SDF2L1: variants seen among roughly 807,000 people sequenced by gnomAD.
SDF2L1 encodes stromal cell-derived factor 2-like protein 1.
Under a neutral mutation model 19.4 loss-of-function variants are expected in SDF2L1, and 18 were observed. The ratio of observed to expected loss-of-function variants is 0.93; its 90% CI spans 0.64 to 1.38. The LOEUF is 1.38. Among genes scored for constraint, SDF2L1 ranks in the 40% most tolerant of loss-of-function variants. SDF2L1 has a pLI of 0.00. For synonymous variants in SDF2L1, 161 were observed against 148.9 expected, an observed-to-expected ratio of 1.08 and a Z score of -0.59; for missense variants, 263 against 319.4, an observed-to-expected ratio of 0.82 and a Z score of 1.35.
In SDF2L1 at chr22:21,643,076, C is replaced by A; in HGVS notation, c.384+18C>A. The A allele has an allele frequency of 1.3e-6, 2 of 1,550,434 alleles. No individual in the cohort carries two copies. Among genetic ancestry groups the A allele is most frequent in the East Asian group, 4.9e-5 (2 of 41,184 alleles). On this transcript the variant is annotated intron_variant, in intron 2 of 2. Transcript: ENST00000248958. ...ACAACCAGGTGAGCCCCTCCCGGAGCCCCCAGAGAGACTCCTGGCCTGTGT... is the reference window on the plus strand; with the variant it reads ...ACAACCAGGTGAGCCCCTCCCGGAGACCCCAGAGAGACTCCTGGCCTGTGT...
Position 21,643,991 on chromosome 22 carries a change from G to A in SDF2L1, c.482G>A (p.Arg161His), listed in dbSNP as rs73166641. 20,032 of 1,614,144 alleles carry A rather than the reference G, an allele frequency of 0.012. 160 individuals carry two copies. Among genetic ancestry groups the A allele is most frequent in the Middle Eastern group, 0.021 (126 of 6,062 alleles). ...GQHWEREAAV[R>H]FQHVGTSVFL... ...CACTGGGAGCGTGAGGCTGCTGTGC[G>A]CTTCCAGCATGTGGGCACCTCTGTG... Residue 161 changes from arginine to histidine, a missense_variant, in exon 3 of 3, where the codon CGC becomes CAC. Arg to His is a conservative substitution (Grantham distance 29). Around this residue, in one of 3 missense-constraint regions of SDF2L1, gnomAD observed 203 missense variants for 256.9 expected, o/e 0.79. Transcript: ENST00000248958.
chr22:21,643,123 T>A, intron 2 of SDF2L1, 65 bp downstream of exon 2: 5 of 1,513,398 alleles, frequency 3.3e-6, no homozygotes, highest in Non-Finnish European at 4.5e-6. Context: ...GACAGAGCCC[T>A]GGGTTCCAAT....
At chr22:21,642,582 G>A in intron 1 of SDF2L1, 59 bp downstream of exon 1, 1 of 1,496,428 alleles carries the variant, frequency 6.7e-7, no homozygotes, top group African/African-American at 1.4e-5. Flanking sequence ...TTGGGAGTGT[G>A]GAGACAGGGT....
At position 21,642,988 on chromosome 22, in the gene SDF2L1, G is replaced by C; in HGVS notation, c.314G>C (p.Arg105Thr). The C allele has an allele frequency of 6.4e-7, 1 of 1,567,116 alleles. No homozygotes were observed. The highest frequency in any genetic ancestry group is 1.2e-5 in the South Asian group (1 of 85,820). ...CCGGTGCGCTGCGGGCAGGCGGTGA[G>C]GCTCACGCATGTGCTTACGGGCAAG... ...GSPVRCGQAV[R>T]LTHVLTGKNL... is the part of the protein sequence containing the mutation. Residue 105 changes from arginine (R) to threonine (T), a missense_variant, in exon 2 of 3, where the codon AGG becomes ACG. This residue lies in a region of SDF2L1 where 203 missense variants were observed against 256.9 expected (regional missense o/e 0.79). Coordinates refer to ENST00000248958, the MANE Select transcript of SDF2L1 (RefSeq NM_022044.3).
rs2066101946 is a variant in SDF2L1 at position 21,643,963 on chromosome 22, C to T, written c.454C>T (p.Gln152Ter). 3 of 1,614,108 alleles carry T rather than the reference C, an allele frequency of 1.9e-6. No homozygotes were observed. Among genetic ancestry groups the T allele is most frequent in the Non-Finnish European group, 2.5e-6 (3 of 1,180,004 alleles). The change falls in exon 3 of 3, where the codon CAG becomes TAG. Residue 152 changes from glutamine (Q) to a stop codon, truncating the protein, a stop_gained. Coordinates refer to ENST00000248958, the MANE Select transcript of SDF2L1 (RefSeq NM_022044.3). LOFTEE classifies it high-confidence loss of function. ...LDLWTVRCSG[Q>*]HWEREAAVRF... ...CCTATGGACAGTGCGCTGCTCTGGACAGCACTGGGAGCGTGAGGCTGCTGT... is the reference window on the plus strand; with the variant it reads ...CCTATGGACAGTGCGCTGCTCTGGATAGCACTGGGAGCGTGAGGCTGCTGT...
At position 21,643,007 on chromosome 22, in the gene SDF2L1, G is replaced by A. The variant is rs1226818270; in HGVS notation, c.333G>A (p.Thr111=). The change falls in exon 2 of 3, where the codon ACG becomes ACA. Residue 111 remains threonine, a synonymous_variant. Transcript: ENST00000248958. Reference sequence around the variant, plus strand: ...CGGTGAGGCTCACGCATGTGCTTACGGGCAAGAACCTGCACACGCACCACT... The same window carrying A: ...CGGTGAGGCTCACGCATGTGCTTACAGGCAAGAACCTGCACACGCACCACT... ...GQAVRLTHVL[T]GKNLHTHHFP... 6.4e-7 allele frequency: 1 copy of A among 1,563,998 alleles called. No homozygotes were observed. Among genetic ancestry groups the A allele is most frequent in the African/African-American group, 1.4e-5 (1 of 73,930 alleles).
intron 1 of SDF2L1, 108 bp from the exon 2 acceptor site, chr22:21,642,754 C>T (rs1398324890): frequency 1.5e-6 from 2 of 1,354,184 alleles, no homozygotes; most frequent in Non-Finnish European, 1.0e-6. Context: ...CAGGCGGGGG[C>T]TGGGGGTGAG....
At chr22:21,643,265 G>C in intron 2 of SDF2L1, 1 of 631,420 alleles carries the variant, frequency 1.6e-6, no homozygotes, top group South Asian at 2.0e-5. Context: ...GGAGAACGAC[G>C]GGAGAGAGAT....
chr22:21,643,113 G>C, intron 2 of SDF2L1, 55 bp downstream of exon 2: 3 of 1,530,408 alleles, frequency 2.0e-6, no homozygotes, highest in Non-Finnish European at 2.6e-6. Context: ...AGGGGCCAGA[G>C]ACAGAGCCCT....
rs751957822 is a variant in SDF2L1 at position 21,643,941 on chromosome 22, A to G, written c.432A>G (p.Leu144=). ...ACGGCGAGGGCGACGACCTGGACCT[A>G]TGGACAGTGCGCTGCTCTGGACAGC... ...GEDGEGDDLD[L]WTVRCSGQHW... The change falls in exon 3 of 3, where the codon CTA becomes CTG. Residue 144 remains leucine, a synonymous_variant. Transcript: ENST00000248958. The G allele has an allele frequency of 4.3e-6, 7 of 1,614,046 alleles. No individual in the cohort carries two copies. The highest frequency in any genetic ancestry group is 5.1e-6 in the Non-Finnish European group (6 of 1,180,008).
intron 2 of SDF2L1, among the ~76,000 whole-genome samples, 198 bp from the exon 3 acceptor site, chr22:21,643,696 A>G (rs1380575585): frequency 6.6e-6 from 1 of 152,086 alleles, no homozygotes; most frequent in African/African-American, 2.4e-5. Context: ...GACAGATGCA[A>G]TGGTGTGTGC....
Position 21,642,944 on chromosome 22 carries a change from C to A in SDF2L1, c.270C>A (p.Gly90=). The A allele has an allele frequency of 6.4e-7, 1 of 1,574,488 alleles. No homozygotes were observed. The highest frequency in any genetic ancestry group is 1.4e-5 in the African/African-American group (1 of 73,928). Residue 90 remains glycine, a synonymous_variant, in exon 2 of 3, where the codon GGC becomes GGA. Coordinates refer to ENST00000248958, the MANE Select transcript of SDF2L1 (RefSeq NM_022044.3). ...GGCGGATCCGCGGCGGCTCGGAGGG[C>A]GGGTGCCCGCGCGGGTCCCCGGTGC... ...SYWRIRGGSE[G]GCPRGSPVRC...
Position 21,642,786 on chromosome 22 carries a change from T to C in SDF2L1, c.188-76T>C, listed in dbSNP as rs2066089761. On this transcript the variant is annotated intron_variant, in intron 1 of 2. Coordinates refer to ENST00000248958, the MANE Select transcript of SDF2L1 (RefSeq NM_022044.3). ...TGAGCCCTTGGGGTCCCCTGGGACA[T>C]GTTCTGGTCCCAGGGCGAGGGTCCG... 5 of 1,482,570 alleles carry C rather than the reference T, an allele frequency of 3.4e-6. No homozygotes were observed. In the African/African-American group the frequency reaches 7.0e-5, roughly 21 times the overall value. The allele number at this position is 1,482,570 out of a possible 1,614,324, so 91.8% of individuals were successfully genotyped here.
Position 21,642,877 on chromosome 22 carries a change from C to T in SDF2L1, c.203C>T (p.Ser68Leu), listed in dbSNP as rs1298734359. Reference protein sequence around the residue: ...IKYGSGSGQQSVTGVEASDDA... With the variant: ...IKYGSGSGQQLVTGVEASDDA... ...CACTCCTCAGGCAGCGGCCAGCAAT[C>T]GGTGACCGGCGTAGAGGCGTCGGAC... Residue 68 changes from serine (S) to leucine (L), a missense_variant, in exon 2 of 3, where the codon TCG becomes TTG. Physicochemically the swap from Ser to Leu is moderately radical, Grantham distance 145 (BLOSUM62 -2). Coordinates refer to ENST00000248958, the MANE Select transcript of SDF2L1 (RefSeq NM_022044.3). The T allele has an allele frequency of 6.3e-7, 1 of 1,596,684 alleles. No individual in the cohort carries two copies. Among genetic ancestry groups the T allele is most frequent in the Non-Finnish European group, 8.5e-7 (1 of 1,173,622 alleles).
In SDF2L1 at chr22:21,642,357, C is replaced by A; in HGVS notation, c.21C>A (p.Gly7=). The change falls in exon 1 of 3, where the codon GGC becomes GGA. Residue 7 remains glycine (G), a synonymous_variant. Transcript: ENST00000248958. The part of the protein sequence containing the change: MWSAGR[G]GAAWPVLLGL... Reference sequence around the variant, plus strand: ...GGGCGATGTGGAGCGCGGGCCGCGGCGGGGCTGCCTGGCCGGTGCTGTTGG... The same window carrying A: ...GGGCGATGTGGAGCGCGGGCCGCGGAGGGGCTGCCTGGCCGGTGCTGTTGG... 1 of 1,394,144 alleles carries A rather than the reference C, an allele frequency of 7.2e-7. No individual in the cohort carries two copies. 86.4% of individuals were successfully genotyped at this position (1,394,144 alleles called of 1,614,324 possible).
rs141294668 is a variant in SDF2L1, at chr22:21,644,264, C to T, written c.*89C>T. On this transcript the variant is annotated 3_prime_UTR_variant, in exon 3 of 3. Coordinates refer to ENST00000248958, the MANE Select transcript of SDF2L1 (RefSeq NM_022044.3). ...GAGACTTTGGGTTTGTAGGGGTCCT[C>T]AAGTGCCTTTGTGATTAAAGAATGT... The T allele has an allele frequency of 2.3e-4, 323 of 1,388,098 alleles. 2 individuals carry two copies. The African/African-American group carries it at 4.3e-3, about 19-fold the overall frequency. 86.0% of individuals were successfully genotyped at this position (1,388,098 alleles called of 1,614,324 possible). A position where few individuals can be genotyped will look rare whatever the true frequency, so the allele number is the denominator to read the frequency against.
chr22:21,642,636 G>A (rs1315538156), intron 1 of SDF2L1, 113 bp downstream of exon 1: 10 of 1,342,012 alleles, frequency 7.5e-6, no homozygotes, highest in African/African-American at 1.5e-5. Flanking sequence ...GGCGGCGGGG[G>A]CTCTAGAGTC....
rs750757551 is a variant in SDF2L1 at position 21,644,030 on chromosome 22, C to T, written c.521C>T (p.Thr174Met). The change falls in exon 3 of 3, where the codon ACG (threonine) becomes ATG (methionine). Residue 174 changes from threonine (T) to methionine (M), a missense_variant. Coordinates refer to ENST00000248958, the MANE Select transcript of SDF2L1 (RefSeq NM_022044.3). Reference sequence around the variant, plus strand: ...GGCACCTCTGTGTTCCTGTCAGTCACGGGTGAGCAGTATGGAAGCCCCATC... The same window carrying T: ...GGCACCTCTGTGTTCCTGTCAGTCATGGGTGAGCAGTATGGAAGCCCCATC... ...HVGTSVFLSV[T>M]GEQYGSPIRG... is the part of the protein sequence containing the mutation. The T allele has an allele frequency of 8.7e-6, 14 of 1,614,146 alleles. No homozygotes were observed. The South Asian group carries it at 1.1e-4, about 13-fold the overall frequency.
intron 1 of SDF2L1, 24 bp downstream of exon 1, chr22:21,642,547 G>C: frequency 6.6e-7 from 1 of 1,508,372 alleles, no homozygotes; most frequent in Non-Finnish European, 8.8e-7. Context: ...GCGACTGGGA[G>C]AGCGCGGGGA....
Sources: allele counts gnomAD v4.1 joint callset (sites outside exome capture counted in the v4.1 genomes callset), GRCh38; gene constraint gnomAD v4.1.1; regional missense constraint gnomAD v4.1.1; transcripts MANE v1.5; gene names NCBI Gene and HGNC (gene_info 2026-07-23, HGNC 2026-07-21).